The following NCOA2 variants were observed in gnomAD, a reference collection of about 807,000 sequenced individuals.
The protein encoded by NCOA2 is class E basic helix-loop-helix protein 75.
A neutral mutation model predicts 145.1 loss-of-function variants in NCOA2; 21 were observed. The observed-to-expected ratio is 0.14, with a 90% CI of 0.10 to 0.21. The LOEUF (loss-of-function observed/expected upper bound fraction) is 0.21. Among genes scored for constraint, NCOA2 ranks in the 10% least tolerant of loss-of-function variants. The pLI is 1.00. For missense variants in NCOA2, 1,472 were observed against 1,837.6 expected, an observed-to-expected ratio of 0.80 and a Z score of 3.64; for synonymous variants, 619 against 637.5, an observed-to-expected ratio of 0.97 and a Z score of 0.44.
the NCOA2 span, among the ~76,000 whole-genome samples, chr8:70,442,128 A>AAAGAAAG: frequency 1.6e-5 from 2 of 123,768 alleles, no homozygotes; most frequent in Non-Finnish European, 3.2e-5. Context: ...AGAAAGAAAG[A>AAAGAAAG]AAGAAAGAAA....
At chr8:70,287,170 G>A (rs780362972) in intron 2 of NCOA2, among the ~76,000 whole-genome samples, 23 of 152,094 alleles carry the variant, frequency 1.5e-4, no homozygotes, top group Admixed American at 6.5e-5. Flanking sequence ...ATCTAGCTCG[G>A]GAGGTCGAGG....
At chr8:70,307,997 T>A (rs1449192196) in intron 1 of NCOA2, among the ~76,000 whole-genome samples, 1 of 152,174 alleles carries the variant, frequency 6.6e-6, no homozygotes, top group Non-Finnish European at 1.5e-5. Flanking sequence ...ATTATTTACA[T>A]AATAAATATG....
intron 1 of NCOA2, among the ~76,000 whole-genome samples, chr8:70,394,917 G>A (rs1350110739): frequency 6.6e-6 from 1 of 152,112 alleles, no homozygotes; most frequent in African/African-American, 2.4e-5. Context: ...ACCACTCTTG[G>A]GTTAAGCGAT....
intron 19 of NCOA2, 108 bp from the exon 20 acceptor site, chr8:70,124,973 T>A: frequency 1.1e-6 from 1 of 919,554 alleles, no homozygotes; most frequent in Non-Finnish European, 1.6e-6. Flanking sequence ...AAAAAATTAC[T>A]TTCAAATATA....
At chr8:70,231,797 T>TAAAA in intron 2 of NCOA2, among the ~76,000 whole-genome samples, 1 of 151,966 alleles carries the variant, frequency 6.6e-6, no homozygotes, top group Admixed American at 6.6e-5. Context: ...ATAGAATCTT[T>TAAAA]CCTCCTCTGA....
At chr8:70,448,706 A>G in the NCOA2 span, among the ~76,000 whole-genome samples, 1 of 152,166 alleles carries the variant, frequency 6.6e-6, no homozygotes, top group African/African-American at 2.4e-5. Flanking sequence ...CTTGCTTCCA[A>G]TCTTACATGT....
At chr8:70,201,104 G>A (rs984052707) in intron 4 of NCOA2, among the ~76,000 whole-genome samples, 9 of 147,140 alleles carry the variant, frequency 6.1e-5, no homozygotes, top group Non-Finnish European at 1.2e-4. Flanking sequence ...CCACTGAACT[G>A]CACATTTAAA....
chr8:70,164,949 TC>T (rs1315888925), intron 7 of NCOA2, among the ~76,000 whole-genome samples: 7 of 152,114 alleles, frequency 4.6e-5, no homozygotes, highest in Non-Finnish European at 1.0e-4. Flanking sequence ...AAGTAACTTG[TC>T]CAATGTCACG....
intron 2 of NCOA2, among the ~76,000 whole-genome samples, chr8:70,295,718 GATC>G (rs1025198158): frequency 4.6e-5 from 7 of 152,156 alleles, no homozygotes; most frequent in African/African-American, 1.7e-4. Context: ...GAGGCAGGCA[GATC>G]ACTTGAGGTC....
intron 1 of NCOA2, among the ~76,000 whole-genome samples, chr8:70,341,905 T>C (rs990924729): frequency 1.8e-4 from 28 of 152,354 alleles, no homozygotes; most frequent in African/African-American, 6.3e-4. Context: ...GCAAATGCCA[T>C]ATTCCATACA....
chr8:70,213,417 G>C (rs1040424637), intron 4 of NCOA2, among the ~76,000 whole-genome samples: 15 of 151,460 alleles, frequency 9.9e-5, no homozygotes, highest in Admixed American at 3.3e-4. Flanking sequence ...CTGGAGGTTA[G>C]AGACTTTCAA....
chr8:70,437,021 C>T, the NCOA2 span, among the ~76,000 whole-genome samples: 3 of 152,326 alleles, frequency 2.0e-5, no homozygotes, highest in South Asian at 6.2e-4. Flanking sequence ...CTGCAAGGGG[C>T]GTGCTCTGTC....
At chr8:70,184,206 T>C (rs1815792161) in intron 4 of NCOA2, among the ~76,000 whole-genome samples, 1 of 152,156 alleles carries the variant, frequency 6.6e-6, no homozygotes, top group African/African-American at 2.4e-5. Flanking sequence ...TCACCAAGGC[T>C]TTCTCTACAC....
At chr8:70,200,433 T>C (rs1049488129) in intron 4 of NCOA2, among the ~76,000 whole-genome samples, 7 of 152,148 alleles carry the variant, frequency 4.6e-5, no homozygotes, top group Admixed American at 2.0e-4. Flanking sequence ...ATTACTGCCT[T>C]ACTCTAGGGA....
chr8:70,357,670 G>A (rs1269610082), intron 1 of NCOA2, among the ~76,000 whole-genome samples: 1 of 152,094 alleles, frequency 6.6e-6, no homozygotes, highest in African/African-American at 2.4e-5. Flanking sequence ...GAACCTGGGA[G>A]GCGGAGCTTG....
At chr8:70,177,057 T>A (rs1814935130) in intron 4 of NCOA2, among the ~76,000 whole-genome samples, 2 of 152,240 alleles carry the variant, frequency 1.3e-5, no homozygotes, top group South Asian at 4.1e-4. Flanking sequence ...TGTGCTGACA[T>A]CCCACAGACT....
chr8:70,455,920 A>C, the NCOA2 span, among the ~76,000 whole-genome samples: 1 of 152,130 alleles, frequency 6.6e-6, no homozygotes, highest in African/African-American at 2.4e-5. Flanking sequence ...ACTGGATAGC[A>C]GAGTTTATAA....
At chr8:70,145,621 CTT>C (rs527848276) in intron 12 of NCOA2, among the ~76,000 whole-genome samples, 73 of 140,428 alleles carry the variant, frequency 5.2e-4, no homozygotes, top group Middle Eastern at 3.7e-3. Flanking sequence ...GTGCCCAGCC[CTT>C]TTTTTTTTTT....
At chr8:70,314,970 A>T (rs1216200664) in intron 1 of NCOA2, among the ~76,000 whole-genome samples, 1 of 152,198 alleles carries the variant, frequency 6.6e-6, no homozygotes, top group African/African-American at 2.4e-5. Context: ...GAGCCTTTTC[A>T]TTTATTTGAG....
Sources: allele counts gnomAD v4.1 joint callset (sites outside exome capture counted in the v4.1 genomes callset), GRCh38; gene constraint gnomAD v4.1.1; transcripts MANE v1.5; gene names NCBI Gene and HGNC (gene_info 2026-07-23, HGNC 2026-07-21).